SAMD4A: variants seen among roughly 807,000 people sequenced by gnomAD.
SAMD4A encodes the protein sterile alpha motif domain containing 4A.
In SAMD4A, 33 loss-of-function variants were observed where a neutral mutation model predicts 81.3. The ratio of observed to expected loss-of-function variants is 0.41; its 90% CI spans 0.31 to 0.54. The LOEUF (loss-of-function observed/expected upper bound fraction) is 0.54. Ranked by LOEUF, SAMD4A falls within the 20% of genes least tolerant of loss-of-function variation. The pLI is 0.37. For synonymous variants in SAMD4A, 389 were observed against 382.1 expected (o/e 1.02, Z -0.21); for missense variants, 854 against 951.1 (o/e 0.90, Z 1.34).
intron 2 of SAMD4A, among the ~76,000 whole-genome samples, chr14:54,608,148 C>T (rs773106164): frequency 6.6e-6 from 1 of 152,156 alleles, no homozygotes; most frequent in Non-Finnish European, 1.5e-5. Flanking sequence ...AATTTGAGTC[C>T]TGGGCTTTGC....
At chr14:54,760,089 G>T (rs979399176) in intron 6 of SAMD4A, 72 bp from the exon 7 acceptor site, 27 of 1,486,214 alleles carry the variant, frequency 1.8e-5, no homozygotes, top group Non-Finnish European at 2.3e-5. Context: ...TCAGGGCAGG[G>T]GAGGGCAGGT....
intron 3 of SAMD4A, among the ~76,000 whole-genome samples, chr14:54,729,468 A>T (rs1451501345): frequency 6.6e-6 from 1 of 152,240 alleles, no homozygotes; most frequent in Non-Finnish European, 1.5e-5. Context: ...ACATTAAAAA[A>T]GAAATATCGG....
chr14:54,670,234 C>T (rs957930562), intron 2 of SAMD4A, among the ~76,000 whole-genome samples: 4 of 152,166 alleles, frequency 2.6e-5, no homozygotes, highest in Admixed American at 2.6e-4. Context: ...TTGTGATCGC[C>T]GTCCAGTCTG....
At chr14:54,599,304 A>G (rs1441417751) in intron 2 of SAMD4A, among the ~76,000 whole-genome samples, 1 of 152,226 alleles carries the variant, frequency 6.6e-6, no homozygotes, top group African/African-American at 2.4e-5. Context: ...AAAAAAGATT[A>G]TATATAACCC....
At chr14:54,722,598 A>T (rs1470178725) in intron 3 of SAMD4A, among the ~76,000 whole-genome samples, 1 of 152,234 alleles carries the variant, frequency 6.6e-6, no homozygotes, top group African/African-American at 2.4e-5. Context: ...TCTTAGCGTC[A>T]ACATCAACTT....
At position 54,742,677 on chromosome 14, in the gene SAMD4A, CCTCA is replaced by C. The variant is rs1341471232; in HGVS notation, c.979+5393_979+5396del. ...CTGTTTCTCTTGCTGCGAGCTTCAG[CCTCA>C]CTGTTACGAATCAACACCAACTGAG... On this transcript the variant is annotated intron_variant, in intron 4 of 12. Transcript: ENST00000554335. 6.6e-5 allele frequency among the ~76,000 whole-genome samples: 10 copies of C among 152,158 alleles called. No individual in the cohort carries two copies. The South Asian group carries it at 1.9e-3, about 28-fold the overall frequency.
upstream of SAMD4A, among the ~76,000 whole-genome samples, chr14:54,565,334 G>A (rs550908595): frequency 6.6e-6 from 1 of 152,364 alleles, no homozygotes; most frequent in Non-Finnish European, 1.5e-5. The surrounding 1 kb of genome is among the most constrained non-coding windows in gnomAD (Gnocchi z 5.4). Context: ...CAGCCCGCGC[G>A]CCAGGCACAG....
chr14:54,670,835 C>T lies in SAMD4A; in HGVS notation c.197-31227C>T, dbSNP rs537911781. On this transcript the variant is annotated intron_variant, in intron 2 of 12. Transcript: ENST00000554335. The stretch of plus-strand genomic sequence containing the variant: ...CTTCAAGACTACCTGCATTCCTTAC[C>T]AATAGCAGCTAAAATTGCTCCTAAA... 7.9e-5 allele frequency among the ~76,000 whole-genome samples: 12 copies of T among 152,216 alleles called. No individual in the cohort carries two copies. The South Asian group carries it at 2.1e-3, about 26-fold the overall frequency.
At chr14:54,778,083 G>A (rs1192962319) in intron 11 of SAMD4A, among the ~76,000 whole-genome samples, 1 of 152,146 alleles carries the variant, frequency 6.6e-6, no homozygotes, top group Non-Finnish European at 1.5e-5. Flanking sequence ...CCTTGAATGG[G>A]TCTTTCACCC....
chr14:54,586,869 G>A (rs897249747), intron 2 of SAMD4A, among the ~76,000 whole-genome samples: 1 of 152,090 alleles, frequency 6.6e-6, no homozygotes, highest in Non-Finnish European at 1.5e-5. Flanking sequence ...GATTCCTCCA[G>A]ATTTGTGATT....
chr14:54,747,651 T>A (rs2038000220), intron 4 of SAMD4A, among the ~76,000 whole-genome samples: 1 of 152,258 alleles, frequency 6.6e-6, no homozygotes, highest in African/African-American at 2.4e-5. Flanking sequence ...CATTTCAAAG[T>A]AGTTTACAGC....
At chr14:54,752,988 T>C (rs2038147464) in intron 6 of SAMD4A, among the ~76,000 whole-genome samples, 1 of 152,252 alleles carries the variant, frequency 6.6e-6, no homozygotes, top group Admixed American at 6.5e-5. Context: ...GCAGCATTGC[T>C]GCAAACCTGT....
intron 2 of SAMD4A, among the ~76,000 whole-genome samples, chr14:54,630,839 A>G (rs556093437): frequency 1.3e-5 from 2 of 152,254 alleles, no homozygotes; most frequent in East Asian, 3.9e-4. Flanking sequence ...TATAATAAAT[A>G]TAATGTAACT....
intron 2 of SAMD4A, among the ~76,000 whole-genome samples, chr14:54,680,328 C>T (rs892801878): frequency 9.9e-5 from 15 of 152,252 alleles, no homozygotes; most frequent in South Asian, 2.1e-4. Flanking sequence ...CCTGAATTGC[C>T]ACTCATTTTT....
At chr14:54,667,869 G>A (rs1470360519) in intron 2 of SAMD4A, among the ~76,000 whole-genome samples, 2 of 152,200 alleles carry the variant, frequency 1.3e-5, no homozygotes, top group East Asian at 1.9e-4. Context: ...GGACAAGAGA[G>A]GTTACGTGAG....
At chr14:54,670,830 C>G (rs2140511951) in intron 2 of SAMD4A, among the ~76,000 whole-genome samples, 1 of 152,290 alleles carries the variant, frequency 6.6e-6, no homozygotes, top group South Asian at 2.1e-4. Context: ...ACCTGCATTC[C>G]TTACCAATAG....
At chr14:54,583,459 T>G (rs1291835677) in intron 2 of SAMD4A, among the ~76,000 whole-genome samples, 4 of 152,170 alleles carry the variant, frequency 2.6e-5, no homozygotes, top group African/African-American at 4.8e-5. Flanking sequence ...GAATGGTGCC[T>G]CTTCAGAATT....
At chr14:54,586,882 T>C (rs1048416648) in intron 2 of SAMD4A, among the ~76,000 whole-genome samples, 8 of 152,306 alleles carry the variant, frequency 5.3e-5, no homozygotes, top group Admixed American at 2.6e-4. Flanking sequence ...TTGTGATTCT[T>C]TTTGCTTAGT....
chr14:54,589,704 C>G (rs776070918), intron 2 of SAMD4A, among the ~76,000 whole-genome samples: 1 of 152,212 alleles, frequency 6.6e-6, no homozygotes, highest in Non-Finnish European at 1.5e-5. Flanking sequence ...ATACAAGACA[C>G]AGTCCCTTCC....
Sources: gnomAD v4.1 joint callset for allele counts (sites outside exome capture counted in the v4.1 genomes callset) on GRCh38, gnomAD v4.1.1 for gene constraint, Gnocchi (gnomAD v3.1) non-coding constraint, MANE v1.5 for transcripts, NCBI Gene and HGNC (gene_info 2026-07-23, HGNC 2026-07-21) for gene names.